ADGRL3: variants seen among roughly 807,000 people sequenced by gnomAD.
ADGRL3 encodes adhesion G protein-coupled receptor L3.
ADGRL3 carries 62 observed loss-of-function variants against 153.5 expected under a neutral mutation model. That is an observed-to-expected ratio of 0.40 (90% CI 0.33 to 0.50). ADGRL3 has a LOEUF of 0.50. ADGRL3 is among the 20% of genes least tolerant of loss of function. The pLI is 0.47. For synonymous variants in ADGRL3, 710 were observed against 672.5 expected (o/e 1.06, Z -0.86); for missense variants, 1,641 against 1,859.4 (o/e 0.88, Z 2.16).
intron 5 of ADGRL3, among the ~76,000 whole-genome samples, chr4:61,629,716 C>T (rs1579955224): frequency 1.2e-5 from 1 of 85,708 alleles, no homozygotes; most frequent in Non-Finnish European, 2.0e-5. Flanking sequence ...GACTCCGTCT[C>T]GGGGCAAAAA....
At chr4:61,571,752 C>A (rs1472618308) in intron 4 of ADGRL3, among the ~76,000 whole-genome samples, 1 of 152,086 alleles carries the variant, frequency 6.6e-6, no homozygotes, top group East Asian at 1.9e-4. Context: ...TTACTATGTG[C>A]CTAGCACTGT....
At chr4:61,883,770 C>G (rs1205470927) in intron 9 of ADGRL3, among the ~76,000 whole-genome samples, 1 of 150,916 alleles carries the variant, frequency 6.6e-6, no homozygotes, top group African/African-American at 2.4e-5. Flanking sequence ...TTTTTTTTTT[C>G]TTTCTAAGTG....
At chr4:61,438,592 A>T (rs2097483937) in intron 2 of ADGRL3, among the ~76,000 whole-genome samples, 1 of 152,030 alleles carries the variant, frequency 6.6e-6, no homozygotes, top group African/African-American at 2.4e-5. Context: ...TCCTGTCTTC[A>T]CTGCTAGGTC....
chr4:61,989,981 C>G (rs371953491), intron 19 of ADGRL3, among the ~76,000 whole-genome samples: 1 of 151,894 alleles, frequency 6.6e-6, no homozygotes, highest in Non-Finnish European at 1.5e-5. Flanking sequence ...TTCAGAAAAT[C>G]GTTTCACAGA....
At chr4:61,435,353 A>G (rs148447841) in intron 2 of ADGRL3, among the ~76,000 whole-genome samples, 4,765 of 152,200 alleles carry the variant, frequency 0.031, 76 homozygotes, top group South Asian at 0.084. Flanking sequence ...TGATAAAATA[A>G]CAAAACAGCA....
intron 5 of ADGRL3, among the ~76,000 whole-genome samples, chr4:61,626,714 TAAC>T (rs1412880480): frequency 2.6e-5 from 4 of 152,136 alleles, no homozygotes; most frequent in Non-Finnish European, 5.9e-5. Flanking sequence ...GTAAGTTCAG[TAAC>T]AGCTTTTATT....
intron 8 of ADGRL3, among the ~76,000 whole-genome samples, chr4:61,779,836 G>T (rs1013408830): frequency 6.6e-6 from 1 of 151,944 alleles, no homozygotes; most frequent in Non-Finnish European, 1.5e-5. Context: ...CTAATTAGAT[G>T]TTTCTAAATT....
At chr4:62,004,028 A>G (rs1477950980) in intron 21 of ADGRL3, among the ~76,000 whole-genome samples, 1 of 152,114 alleles carries the variant, frequency 6.6e-6, no homozygotes, top group African/African-American at 2.4e-5. Context: ...GGTAACCTTT[A>G]CTTTAAGAAA....
intron 8 of ADGRL3, among the ~76,000 whole-genome samples, chr4:61,761,658 G>C (rs1488048976): frequency 2.0e-5 from 3 of 152,302 alleles, no homozygotes; most frequent in African/African-American, 7.2e-5. Context: ...AGCCAGGCAT[G>C]GTGGCACACA....
chr4:61,900,274 T>A (rs1192026825), intron 11 of ADGRL3, among the ~76,000 whole-genome samples: 2 of 152,154 alleles, frequency 1.3e-5, no homozygotes, highest in African/African-American at 4.8e-5. Flanking sequence ...AATTTTACAT[T>A]TACATTTTCT....
At chr4:61,297,574 C>G (rs1177776307) in intron 1 of ADGRL3, among the ~76,000 whole-genome samples, 3 of 150,678 alleles carry the variant, frequency 2.0e-5, no homozygotes, top group Non-Finnish European at 4.4e-5. Context: ...ATTTTTTTTC[C>G]TTGTTTTTTA....
intron 2 of ADGRL3, among the ~76,000 whole-genome samples, chr4:61,434,958 CTG>C (rs2097426416): frequency 6.6e-6 from 1 of 152,016 alleles, no homozygotes; most frequent in African/African-American, 2.4e-5. Context: ...AGGATGGCCA[CTG>C]AGATTTAAAA....
intron 2 of ADGRL3, among the ~76,000 whole-genome samples, chr4:61,422,244 G>C (rs957827987): frequency 6.6e-6 from 1 of 152,102 alleles, no homozygotes; most frequent in Non-Finnish European, 1.5e-5. Flanking sequence ...GTTAAAATGG[G>C]TGTATAACAT....
chr4:61,300,287 C>T (rs1336900313), intron 1 of ADGRL3, among the ~76,000 whole-genome samples: 1 of 152,164 alleles, frequency 6.6e-6, no homozygotes, highest in Non-Finnish European at 1.5e-5. Context: ...TCTACATGAT[C>T]TAAATGCATA....
At chr4:61,787,564 T>G (rs2097292201) in intron 8 of ADGRL3, among the ~76,000 whole-genome samples, 1 of 152,098 alleles carries the variant, frequency 6.6e-6, no homozygotes, top group Admixed American at 6.6e-5. Context: ...CCAGTGGAAT[T>G]TAATACCCAA....
intron 9 of ADGRL3, among the ~76,000 whole-genome samples, chr4:61,870,614 CA>C (rs1400884513): frequency 1.5e-5 from 1 of 66,878 alleles, no homozygotes; most frequent in Non-Finnish European, 3.8e-5. Flanking sequence ...AATAAAAGGA[CA>C]AATACCAGAT....
In ADGRL3 at chr4:61,406,592, A is replaced by C. The variant is rs957678578; in HGVS notation, c.-174+23403A>C. On this transcript the variant is annotated intron_variant, in intron 2 of 26. Transcript: ENST00000683033. ...GATGTTATGTCATTCCTGGGCTTAT[A>C]TTATTTTAAATTTAACTTTTTTCCT... is the stretch of plus-strand genomic sequence containing the variant. Among the ~76,000 whole-genome samples the C allele has an allele frequency of 2.0e-5, 3 of 151,836 alleles. No individual in the cohort carries two copies. The East Asian group carries it at 5.8e-4, about 29-fold the overall frequency.
intron 4 of ADGRL3, among the ~76,000 whole-genome samples, chr4:61,560,107 C>T (rs958419256): frequency 2.0e-5 from 3 of 152,004 alleles, no homozygotes; most frequent in African/African-American, 7.2e-5. Flanking sequence ...TAAAGAGACC[C>T]CTCTTTGCTT....
intron 15 of ADGRL3, 90 bp downstream of exon 15, chr4:61,936,135 G>A (rs1005197146): frequency 6.9e-7 from 1 of 1,443,936 alleles, no homozygotes. Context: ...CCACTATTTA[G>A]GAGCTTTTCC....
Sources: allele counts gnomAD v4.1 joint callset (sites outside exome capture counted in the v4.1 genomes callset), GRCh38; gene constraint gnomAD v4.1.1; transcripts MANE v1.5; gene names NCBI Gene and HGNC (gene_info 2026-07-23, HGNC 2026-07-21).